The following SLC5A10 variants were observed in gnomAD, a reference collection of about 807,000 sequenced individuals.
SLC5A10 encodes sodium/mannose cotransporter SLC5A10.
Under a neutral mutation model 68.9 loss-of-function variants are expected in SLC5A10, and 55 were observed. The ratio of observed to expected loss-of-function variants is 0.80; its 90% confidence interval spans 0.64 to 1.00. The LOEUF is 1.00. SLC5A10 is among the 50% of genes least tolerant of loss of function. The pLI, the probability that SLC5A10 is intolerant of heterozygous loss-of-function variation, is 0.00. For synonymous variants in SLC5A10, 344 were observed against 344.8 expected (o/e 1.00, Z 0.02); for missense variants, 732 against 819.3 (o/e 0.89, Z 1.30).
chr17:18,958,178 C>G, intron 1 of SLC5A10, among the ~76,000 whole-genome samples: 1 of 152,230 alleles, frequency 6.6e-6, no homozygotes, highest in South Asian at 2.1e-4. Context: ...TCAAGAGATG[C>G]TCCCACCTCA....
chr17:18,978,077 G>C, intron 9 of SLC5A10: 1 of 1,516,226 alleles, frequency 6.6e-7, no homozygotes. Flanking sequence ...TTCCTCTTTG[G>C]GGAGCTCCAG....
At chr17:19,012,391 T>C (rs1280311696) in intron 9 of SLC5A10, among the ~76,000 whole-genome samples, 2 of 152,238 alleles carry the variant, frequency 1.3e-5, no homozygotes, top group Non-Finnish European at 2.9e-5. Flanking sequence ...TCGTGAGTCC[T>C]TTCATTCAAC....
At chr17:18,993,290 C>A (rs1235191147) in intron 9 of SLC5A10, among the ~76,000 whole-genome samples, 4 of 152,132 alleles carry the variant, frequency 2.6e-5, no homozygotes, top group Non-Finnish European at 1.5e-5. Context: ...GGACAACTAC[C>A]TTTTTTCAAA....
intron 9 of SLC5A10, among the ~76,000 whole-genome samples, chr17:19,012,719 G>A (rs1332003403): frequency 6.6e-6 from 1 of 152,208 alleles, no homozygotes; most frequent in African/African-American, 2.4e-5. Flanking sequence ...ACTGTTGAGA[G>A]GCTGAGTGGC....
chr17:19,017,408 C>T lies in SLC5A10; in HGVS notation c.1242-2015C>T. 1 of 1,547,520 alleles carries T rather than the reference C, an allele frequency of 6.5e-7. No homozygotes were observed. On this transcript the variant is annotated intron_variant, in intron 11 of 14. Transcript: ENST00000395645. This position sits in a 1 kb window ranked among gnomAD's most constrained non-coding sequence, Gnocchi z 5.6. ...CATGGATCTCTGGTAGGGTGAATGG[C>T]CTGACAACAGTCTCTGTCAGGGAGA...
chr17:19,005,879 GC>G (rs1239106275), intron 9 of SLC5A10, among the ~76,000 whole-genome samples: 1 of 152,188 alleles, frequency 6.6e-6, no homozygotes. Flanking sequence ...TCCTCCTCCT[GC>G]CCCAGGGCCA....
intron 9 of SLC5A10, among the ~76,000 whole-genome samples, chr17:18,989,184 G>A (rs1213041685): frequency 7.3e-6 from 1 of 136,402 alleles, no homozygotes; most frequent in Non-Finnish European, 1.6e-5. Context: ...CACCCTCCGA[G>A]CCTGGCACCA....
intron 9 of SLC5A10, among the ~76,000 whole-genome samples, chr17:18,982,676 GC>G (rs1394014028): frequency 2.0e-5 from 3 of 152,142 alleles, no homozygotes; most frequent in African/African-American, 7.2e-5. Context: ...ACAGCAACCT[GC>G]CCCCAATCCC....
In SLC5A10 at chr17:19,020,397, G is replaced by A. The variant is rs771748853; in HGVS notation, c.1757G>A (p.Cys586Tyr). Reference protein sequence around the residue: ...VCGFNAILLMCVNIFFYAYFA With the variant: ...VCGFNAILLMYVNIFFYAYFA ...GGCTTCAATGCCATCCTCCTCATGT[G>A]TGTCAACATATTCTTTTATGCCTAC... is the stretch of plus-strand genomic sequence containing the variant. Residue 586 changes from cysteine (C) to tyrosine (Y), a missense_variant, in exon 15 of 15, where the codon TGT becomes TAT. Physicochemically the swap from Cys to Tyr is radical, Grantham distance 194. Transcript: ENST00000395645. 1 of 1,613,944 alleles carries A rather than the reference G, an allele frequency of 6.2e-7. No individual in the cohort carries two copies. Among genetic ancestry groups the A allele is most frequent in the Non-Finnish European group, 8.5e-7 (1 of 1,180,060 alleles).
At chr17:18,980,553 C>T (rs1437247779) in intron 9 of SLC5A10, among the ~76,000 whole-genome samples, 1 of 152,146 alleles carries the variant, frequency 6.6e-6, no homozygotes, top group Non-Finnish European at 1.5e-5. Context: ...GTCTCTGGAG[C>T]TGCCAAGGGC....
rs2042833786 is a variant in SLC5A10, at chr17:18,971,182, G to C, written c.810G>C (p.Leu270=). ...CGTGGACCGGGATGACCTTTGGCCTGACCATCATGGCCACCTGGTACTGGT... is the reference window on the plus strand; with the variant it reads ...CGTGGACCGGGATGACCTTTGGCCTCACCATCATGGCCACCTGGTACTGGT... ...DLPWTGMTFG[L]TIMATWYWCT... Residue 270 remains leucine, a synonymous_variant, in exon 8 of 15, where the codon CTG becomes CTC. Transcript: ENST00000395645. The surrounding 1 kb of genome is among the most constrained non-coding windows in gnomAD (Gnocchi z 5.5). 1 of 1,614,048 alleles carries C rather than the reference G, an allele frequency of 6.2e-7. No individual in the cohort carries two copies. Among genetic ancestry groups the C allele is most frequent in the Non-Finnish European group, 8.5e-7 (1 of 1,180,044 alleles).
At chr17:18,992,629 G>A (rs961319538) in intron 9 of SLC5A10, among the ~76,000 whole-genome samples, 15 of 152,198 alleles carry the variant, frequency 9.9e-5, no homozygotes, top group African/African-American at 1.9e-4. Context: ...TGGAGCGGGC[G>A]GAGTCGGTCC....
Position 18,976,954 on chromosome 17 carries a change from T to TAATGCCGGG in SLC5A10, c.947_948insAATGCCGGG (p.Pro318_Met320dup). 3.1e-6 allele frequency: 5 copies of TAATGCCGGG among 1,613,272 alleles called. No individual in the cohort carries two copies. Among genetic ancestry groups the TAATGCCGGG allele is most frequent in the Non-Finnish European group, 3.4e-6 (4 of 1,179,800 alleles). ...AAGATGCTCCCCATGGGCCTGATCA[T>TAATGCCGGG]CATGCCGGGCATGATCAGCCGCGCA... is the stretch of plus-strand genomic sequence containing the variant. On this transcript the variant is annotated inframe_insertion, in exon 9 of 15. Coordinates refer to ENST00000395645, the MANE Select transcript of SLC5A10 (RefSeq NM_001042450.4).
rs766783226 is a variant in SLC5A10 at position 18,952,295 on chromosome 17, G to A, written c.90G>A (p.Leu30=). 7.4e-6 allele frequency: 12 copies of A among 1,613,584 alleles called. No individual in the cohort carries two copies. Among genetic ancestry groups the A allele is most frequent in the Non-Finnish European group, 9.3e-6 (11 of 1,179,778 alleles). The change falls in exon 1 of 15, where the codon CTG becomes CTA. Residue 30 remains leucine (L), a synonymous_variant. Coordinates refer to ENST00000395645, the MANE Select transcript of SLC5A10 (RefSeq NM_001042450.4). Reference sequence around the variant, plus strand: ...TCGTCATCACTGTGTATTTTGCTCTGAATGTGGCCGTGGGCATATGGGTAA... The same window carrying A: ...TCGTCATCACTGTGTATTTTGCTCTAAATGTGGCCGTGGGCATATGGGTAA... ...DIIVITVYFA[L]NVAVGIWSSC...
intron 9 of SLC5A10, among the ~76,000 whole-genome samples, chr17:18,984,014 A>T (rs552137066): frequency 2.1e-4 from 32 of 152,296 alleles, no homozygotes; most frequent in African/African-American, 7.7e-4. Context: ...ACAATGCCAA[A>T]TGTCCCTCAG....
intron 5 of SLC5A10, among the ~76,000 whole-genome samples, chr17:18,961,508 T>A (rs1218678241): frequency 6.6e-6 from 1 of 152,160 alleles, no homozygotes; most frequent in African/African-American, 2.4e-5. Flanking sequence ...AGGACCACCG[T>A]GTGAGGGCTG....
chr17:18,977,995 C>T, intron 9 of SLC5A10: 2 of 1,569,762 alleles, frequency 1.3e-6, no homozygotes, highest in Non-Finnish European at 1.7e-6. Flanking sequence ...TCACAGATAG[C>T]TGCCGCTGGA....
chr17:19,008,160 T>C (rs1382184530), intron 9 of SLC5A10, among the ~76,000 whole-genome samples: 1 of 152,210 alleles, frequency 6.6e-6, no homozygotes, highest in African/African-American at 2.4e-5. Context: ...AAAGGGAGTT[T>C]CTTTCACCAG....
At chr17:19,010,339 G>A (rs2043987700) in intron 9 of SLC5A10, among the ~76,000 whole-genome samples, 2 of 152,114 alleles carry the variant, frequency 1.3e-5, no homozygotes, top group African/African-American at 4.8e-5. Flanking sequence ...TGGACGGGGA[G>A]CTGATGCAAA....
Sources: gnomAD v4.1 joint callset for allele counts (sites outside exome capture counted in the v4.1 genomes callset) on GRCh38, gnomAD v4.1.1 for gene constraint, Gnocchi (gnomAD v3.1) non-coding constraint, MANE v1.5 for transcripts, NCBI Gene and HGNC (gene_info 2026-07-23, HGNC 2026-07-21) for gene names.